LRRK1: variants seen among roughly 807,000 people sequenced by gnomAD.
LRRK1 encodes leucine-rich repeat serine/threonine-protein kinase 1.
LRRK1 carries 113 observed loss-of-function variants against 209.1 expected under a neutral mutation model. The ratio of observed to expected loss-of-function variants is 0.54; its 90% confidence interval spans 0.46 to 0.63. The LOEUF (loss-of-function observed/expected upper bound fraction) is 0.63, where lower values mean the gene tolerates loss of function less well. Ranked by LOEUF, LRRK1 falls within the 30% of genes least tolerant of loss-of-function variation. The pLI is 0.00. For synonymous variants in LRRK1, 1,144 were observed against 1,099.7 expected (o/e 1.04, Z -0.80); for missense variants, 2,284 against 2,632.2 (o/e 0.87, Z 2.89).
In LRRK1 at chr15:101,056,950, T is replaced by TGTC; in HGVS notation, c.4428_4430dup (p.Ser1477dup). 6.2e-7 allele frequency: 1 copy of TGTC among 1,614,168 alleles called. No individual in the cohort carries two copies. The highest frequency in any genetic ancestry group is 1.1e-5 in the South Asian group (1 of 91,086). On this transcript the variant is annotated inframe_insertion, in exon 28 of 34. Coordinates refer to ENST00000388948, the MANE Select transcript of LRRK1 (RefSeq NM_024652.6). ...CACCAGCTCCAGATTGCCAAGAAGCTGTCCAAGGGCATCCGCCCGGTTCTG... is the reference window on the plus strand; with the variant it reads ...CACCAGCTCCAGATTGCCAAGAAGCTGTCGTCCAAGGGCATCCGCCCGGTTCTG...
At chr15:100,928,692 T>C (rs2042156593) in intron 2 of LRRK1, among the ~76,000 whole-genome samples, 1 of 152,202 alleles carries the variant, frequency 6.6e-6, no homozygotes, top group South Asian at 2.1e-4. Flanking sequence ...ATGGTATTTT[T>C]AATTTTTTAT....
chr15:101,040,889 TGTA>T (rs1482425795), intron 20 of LRRK1, among the ~76,000 whole-genome samples: 9 of 152,350 alleles, frequency 5.9e-5, no homozygotes, highest in African/African-American at 2.2e-4. Context: ...GTGTTGTGGC[TGTA>T]GTATCTTATA....
At chr15:101,050,217 G>A (rs1320288220) in intron 23 of LRRK1, among the ~76,000 whole-genome samples, 1 of 152,180 alleles carries the variant, frequency 6.6e-6, no homozygotes, top group Non-Finnish European at 1.5e-5. Flanking sequence ...GGCAGCCAAG[G>A]GGCCTTGCTC....
intron 20 of LRRK1, among the ~76,000 whole-genome samples, chr15:101,045,206 C>A (rs2034999417): frequency 6.6e-6 from 1 of 152,208 alleles, no homozygotes; most frequent in South Asian, 2.1e-4. Flanking sequence ...ATTTATTGGA[C>A]TGAAATAGAT....
chr15:101,049,500 G>C (rs2035276985), intron 22 of LRRK1, 144 bp from the exon 23 acceptor site: 1 of 881,816 alleles, frequency 1.1e-6, no homozygotes, highest in African/African-American at 1.7e-5. Context: ...CGTACATACA[G>C]GGAGGAGTCC....
chr15:100,960,277 CTT>C lies in LRRK1; in HGVS notation c.98-13512_98-13511del, dbSNP rs3031656. 5.1e-4 allele frequency among the ~76,000 whole-genome samples: 59 copies of C among 116,732 alleles called. 1 individual carries two copies. Among genetic ancestry groups the C allele is most frequent in the African/African-American group, 1.8e-3 (53 of 29,878 alleles). The allele number at this position is 116,732 out of a possible 152,430, so 76.6% of individuals were successfully genotyped here. On this transcript the variant is annotated intron_variant, in intron 2 of 33. Coordinates refer to ENST00000388948, the MANE Select transcript of LRRK1 (RefSeq NM_024652.6). ...GCAATCAGCATCTACGTTCATATTG[CTT>C]TTTTTTTTTTTTTTGCATAGTGCTT...
chr15:101,011,078 A>T (rs560261638), intron 9 of LRRK1, among the ~76,000 whole-genome samples: 66 of 152,228 alleles, frequency 4.3e-4, no homozygotes, highest in Non-Finnish European at 7.1e-4. Context: ...AGCAACACCC[A>T]CAGAACTTTA....
chr15:101,046,080 C>T lies in LRRK1; in HGVS notation c.3063C>T (p.Ser1021=), dbSNP rs748073447. Residue 1021 remains serine (S), a synonymous_variant, in exon 21 of 34, where the codon AGC becomes AGT. Transcript: ENST00000388948. ...CCATTCAGAGGGTATTTAAGATGAGCTTCGTTCCCGTTGGCTTCTGGCAAA... is the reference window on the plus strand; with the variant it reads ...CCATTCAGAGGGTATTTAAGATGAGTTTCGTTCCCGTTGGCTTCTGGCAAA... ...ANTIQRVFKM[S]FVPVGFWQRF... 21 of 1,614,232 alleles carry T rather than the reference C, an allele frequency of 1.3e-5. No individual in the cohort carries two copies. The South Asian group carries it at 2.2e-4, about 17-fold the overall frequency.
At chr15:100,941,388 C>A (rs1214203872) in intron 2 of LRRK1, among the ~76,000 whole-genome samples, 1 of 120,314 alleles carries the variant, frequency 8.3e-6, no homozygotes, top group African/African-American at 3.2e-5. Context: ...GTGTCTGTGT[C>A]TCTGTGTGTG....
At chr15:100,962,749 T>C (rs1252553733) in intron 2 of LRRK1, among the ~76,000 whole-genome samples, 1 of 142,446 alleles carries the variant, frequency 7.0e-6, no homozygotes, top group Middle Eastern at 3.4e-3. Flanking sequence ...CAAAGGATTT[T>C]AATCACAAAT....
At chr15:100,960,710 C>T (rs929891680) in intron 2 of LRRK1, among the ~76,000 whole-genome samples, 1 of 152,108 alleles carries the variant, frequency 6.6e-6, no homozygotes, top group Non-Finnish European at 1.5e-5. Context: ...GCTGTGTCCC[C>T]AGGGTCCAGC....
chr15:100,952,572 A>G (rs981594245), intron 2 of LRRK1, among the ~76,000 whole-genome samples: 11 of 152,288 alleles, frequency 7.2e-5, no homozygotes, highest in Middle Eastern at 3.4e-3. Flanking sequence ...ATCCAGTTGG[A>G]CAAACACCAT....
In LRRK1 at chr15:101,075,484, C is replaced by G. The variant is rs1205513516; in HGVS notation, c.*6636C>G. 7.3e-5 allele frequency: 9 copies of G among 122,462 alleles called. No individual in the cohort carries two copies. The highest frequency in any genetic ancestry group is 6.2e-4 in the East Asian group (3 of 4,838). 7.6% of individuals were successfully genotyped at this position (122,462 alleles called of 1,614,324 possible). A position where few individuals can be genotyped will look rare whatever the true frequency, so the allele number is the denominator to read the frequency against. On this transcript the variant is annotated 3_prime_UTR_variant, in exon 34 of 34. Coordinates refer to ENST00000388948, the MANE Select transcript of LRRK1 (RefSeq NM_024652.6). ...TTGGTGACCGATCATGCACCCCTTA[C>G]CATCTCATCGAAACCTAATCACCCT...
intron 20 of LRRK1, among the ~76,000 whole-genome samples, chr15:101,041,926 GTC>G (rs375714348): frequency 3.3e-5 from 5 of 151,510 alleles, no homozygotes; most frequent in Admixed American, 1.3e-4. Flanking sequence ...CATAAATGTG[GTC>G]TCTCTCTCTC....
intron 3 of LRRK1, among the ~76,000 whole-genome samples, chr15:100,981,433 A>G (rs991757076): frequency 2.0e-5 from 3 of 152,142 alleles, no homozygotes; most frequent in Admixed American, 1.3e-4. Flanking sequence ...TTTTCTGATC[A>G]TATTGAATGT....
chr15:101,028,871 G>C, intron 19 of LRRK1, 85 bp from the exon 20 acceptor site: 1 of 1,378,672 alleles, frequency 7.3e-7, no homozygotes, highest in Non-Finnish European at 1.0e-6. Flanking sequence ...TTTGTGACCT[G>C]GGTCCTCTTG....
intron 6 of LRRK1, among the ~76,000 whole-genome samples, chr15:101,005,677 G>A (rs2032914379): frequency 6.6e-6 from 1 of 152,206 alleles, no homozygotes; most frequent in Non-Finnish European, 1.5e-5. Context: ...TGTTTTGCCG[G>A]GAAGTAAGGA....
intron 10 of LRRK1, among the ~76,000 whole-genome samples, chr15:101,012,547 A>ATC (rs922792771): frequency 5.9e-5 from 9 of 152,166 alleles, no homozygotes; most frequent in African/African-American, 2.2e-4. Context: ...CAGGCCGTGG[A>ATC]TCACACTCAT....
intron 2 of LRRK1, among the ~76,000 whole-genome samples, chr15:100,947,949 C>G (rs551820802): frequency 6.6e-6 from 1 of 152,308 alleles, no homozygotes; most frequent in Non-Finnish European, 1.5e-5. Context: ...AAAGGAAACT[C>G]CAGCCTGGAA....
Sources: gnomAD v4.1 joint callset for allele counts (sites outside exome capture counted in the v4.1 genomes callset) on GRCh38, gnomAD v4.1.1 for gene constraint, MANE v1.5 for transcripts, NCBI Gene and HGNC (gene_info 2026-07-23, HGNC 2026-07-21) for gene names.